Variants in ZNF658 observed in about 807,000 individuals in gnomAD.
ZNF658 encodes the protein zinc finger protein 658.
ZNF658 carries 46 observed loss-of-function variants against 78.0 expected under a neutral mutation model. The ratio of observed to expected loss-of-function variants is 0.59; its 90% CI spans 0.47 to 0.75. ZNF658 has a LOEUF of 0.75. Ranked by LOEUF, ZNF658 falls within the 30% of genes least tolerant of loss-of-function variation. ZNF658 has a pLI of 0.00. For synonymous variants in ZNF658, 279 were observed against 408.4 expected (o/e 0.68, Z 3.82); for missense variants, 785 against 1,189.3 (o/e 0.66, Z 5.00).
intron 2 of ZNF658, among the ~76,000 whole-genome samples, chr9:66,904,274 TC>T (rs1822022466): frequency 6.6e-6 from 1 of 152,146 alleles, no homozygotes; most frequent in African/African-American, 2.4e-5. Context: ...TATAATCAAA[TC>T]CAGTGGATGT....
Position 66,920,278 on chromosome 9 carries a change from C to T in ZNF658, c.2712C>T (p.Arg904=), listed in dbSNP as rs62561229. Residue 904 remains arginine (R), a synonymous_variant, in exon 5 of 5, where the codon CGC becomes CGT. Coordinates refer to ENST00000621410, the MANE Select transcript of ZNF658 (RefSeq NM_033160.7). ...ATCTCAGAGCACATCTTAGAACTCG[C>T]TCAGGGGAGAAACCCTATGAATGCA... The part of the protein sequence containing the change: ...TSHLRAHLRT[R]SGEKPYECSE... 244,558 of 1,612,886 alleles carry T rather than the reference C, an allele frequency of 0.15. 18,878 individuals are homozygous for T. The highest frequency in any genetic ancestry group is 0.25 in the African/African-American group (18,682 of 74,574).
chr9:66,914,910 C>T (rs77723963), intron 4 of ZNF658, among the ~76,000 whole-genome samples: 5,167 of 151,966 alleles, frequency 0.034, 131 homozygotes, highest in East Asian at 0.21. Context: ...GAGGATGAGG[C>T]AGGCCTTATA....
intron 2 of ZNF658, among the ~76,000 whole-genome samples, chr9:66,904,499 T>C (rs1822028943): frequency 6.6e-6 from 1 of 152,094 alleles, no homozygotes; most frequent in Non-Finnish European, 1.5e-5. Context: ...TGATTTTGTC[T>C]TCCCTTGTTT....
chr9:66,931,820 A>G (rs986168438), intron 6 of ZNF658, among the ~76,000 whole-genome samples: 56 of 141,004 alleles, frequency 4.0e-4, no homozygotes, highest in African/African-American at 1.3e-3. Flanking sequence ...TACAAGCAAC[A>G]TATCTGTGAC....
Position 66,920,881 on chromosome 9 carries a change from A to C in ZNF658, c.*135A>C. ...AAAAATCCCAATATGCCGTTTATTC[A>C]GGTGGGGCTGACCATGGGATGTGGT... On this transcript the variant is annotated 3_prime_UTR_variant, in exon 5 of 5. Transcript: ENST00000621410. The C allele has an allele frequency of 1.4e-6, 1 of 729,084 alleles. No homozygotes were observed. The highest frequency in any genetic ancestry group is 2.3e-5 in the Admixed American group (1 of 43,776). 45.2% of individuals were successfully genotyped at this position (729,084 alleles called of 1,614,324 possible). A position where few individuals can be genotyped will look rare whatever the true frequency, so the allele number is the denominator to read the frequency against.
intron 2 of ZNF658, among the ~76,000 whole-genome samples, chr9:66,906,625 G>C (rs1004628085): frequency 6.6e-6 from 1 of 152,064 alleles, no homozygotes; most frequent in Admixed American, 6.6e-5. Context: ...GATTAGGTCA[G>C]ATAATGAGGA....
At position 66,918,871 on chromosome 9, in the gene ZNF658, G is replaced by A. The variant is rs1352026076; in HGVS notation, c.1305G>A (p.Val435=). 16 of 1,598,504 alleles carry A rather than the reference G, an allele frequency of 1.0e-5. No individual in the cohort carries two copies. Among genetic ancestry groups the A allele is most frequent in the Admixed American group, 6.8e-5 (4 of 59,108 alleles). Residue 435 remains valine (V), a synonymous_variant, in exon 5 of 5, where the codon GTG becomes GTA. Transcript: ENST00000621410. Reference sequence around the variant, plus strand: ...CTATTCAGCATCCTGGAACTTATGTGGGATTCAAACTTTATGAATGTAATG... The same window carrying A: ...CTATTCAGCATCCTGGAACTTATGTAGGATTCAAACTTTATGAATGTAATG... ...SHPIQHPGTY[V]GFKLYECNEC...
At chr9:66,905,157 C>A (rs1168332228) in intron 2 of ZNF658, among the ~76,000 whole-genome samples, 1 of 132,720 alleles carries the variant, frequency 7.5e-6, no homozygotes, top group South Asian at 2.6e-4. Context: ...CTCACTGTAA[C>A]CTCCACCTTC....
At chr9:66,929,878 G>T (rs1420051118) in intron 6 of ZNF658, among the ~76,000 whole-genome samples, 1 of 134,280 alleles carries the variant, frequency 7.4e-6, no homozygotes, top group Non-Finnish European at 1.6e-5. Context: ...TCGCCTCCCG[G>T]GTTCAAGCGA....
chr9:66,913,669 G>T (rs972317438), intron 4 of ZNF658, among the ~76,000 whole-genome samples: 18 of 150,754 alleles, frequency 1.2e-4, no homozygotes, highest in African/African-American at 3.4e-4. Context: ...CAAAGTAACA[G>T]ATTTAGGAAT....
Position 66,908,687 on chromosome 9 carries a change from A to G in ZNF658, c.191A>G (p.Glu64Gly), listed in dbSNP as rs751421660. ...PKVISKLEKGEEPWSLEDEFL... is the reference protein window; with the variant it reads ...PKVISKLEKGGEPWSLEDEFL... ...GTGATCTCCAAGTTGGAGAAAGGAG[A>G]AGAGCCATGGTCTTTAGAAGATGAA... Residue 64 changes from glutamate (E) to glycine (G), a missense_variant, in exon 4 of 5, where the codon GAA (glutamate) becomes GGA (glycine). Glu to Gly is a moderately conservative substitution (Grantham distance 98, BLOSUM62 -2). Transcript: ENST00000621410. 10 of 1,597,844 alleles carry G rather than the reference A, an allele frequency of 6.3e-6. No homozygotes were observed. Among genetic ancestry groups the G allele is most frequent in the Non-Finnish European group, 6.8e-6 (8 of 1,172,478 alleles).
At chr9:66,910,374 C>G (rs1475835432) in intron 4 of ZNF658, among the ~76,000 whole-genome samples, 1 of 151,572 alleles carries the variant, frequency 6.6e-6, no homozygotes, top group East Asian at 1.9e-4. Context: ...TGAAGCCATA[C>G]CAACAAATAG....
At chr9:66,905,041 T>G (rs1404497423) in intron 2 of ZNF658, among the ~76,000 whole-genome samples, 3 of 139,374 alleles carry the variant, frequency 2.2e-5, no homozygotes, top group Non-Finnish European at 4.6e-5. Context: ...GATTTATCTT[T>G]TCTTTTTTCT....
intron 1 of ZNF658, among the ~76,000 whole-genome samples, chr9:66,902,389 C>T (rs1263919575): frequency 8.9e-6 from 1 of 112,700 alleles, no homozygotes; most frequent in Admixed American, 1.1e-4. Context: ...CCTATATATG[C>T]ATCAGATTTT....
At chr9:66,907,999 A>G (rs1440238842) in intron 2 of ZNF658, among the ~76,000 whole-genome samples, 1 of 151,342 alleles carries the variant, frequency 6.6e-6, no homozygotes, top group African/African-American at 2.4e-5. Context: ...GTTGGAAGGA[A>G]GTTGTTTTAC....
At position 66,920,401 on chromosome 9, in the gene ZNF658, G is replaced by C; in HGVS notation, c.2835G>C (p.Lys945Asn). Residue 945 changes from lysine (K) to asparagine (N), a missense_variant, in exon 5 of 5, where the codon AAG (lysine) becomes AAC (asparagine). By Grantham distance (94) the Lys-to-Asn change is moderately conservative (BLOSUM62 0). Transcript: ENST00000621410. ...EKPYECNVCG[K>N]PFAHNSTLRV... ...CCTACGAATGTAATGTATGTGGGAA[G>C]CCATTTGCCCATAATTCAACCCTCA... 6.2e-7 allele frequency: 1 copy of C among 1,609,500 alleles called. No homozygotes were observed. Among genetic ancestry groups the C allele is most frequent in the Non-Finnish European group, 8.5e-7 (1 of 1,178,990 alleles).
intron 2 of ZNF658, among the ~76,000 whole-genome samples, chr9:66,905,245 T>G (rs1407878774): frequency 4.0e-5 from 6 of 150,956 alleles, no homozygotes; most frequent in Non-Finnish European, 7.4e-5. Context: ...CTGGCTAATT[T>G]TAGTATTTTT....
rs1317444601 is a variant in ZNF658 at position 66,909,257 on chromosome 9, C to T, written c.238+523C>T. Among the ~76,000 whole-genome samples the T allele has an allele frequency of 2.0e-5, 3 of 151,984 alleles. No homozygotes were observed. The East Asian group carries it at 5.8e-4, about 29-fold the overall frequency. ...CCTTTAGTTATCACTGTCCCATCCC[C>T]CCTGCCCTCTGCAGCCCTAGGTAAC... On this transcript the variant is annotated intron_variant, in intron 4 of 4. Transcript: ENST00000621410.
intron 4 of ZNF658, among the ~76,000 whole-genome samples, chr9:66,913,222 C>T (rs980848829): frequency 1.3e-5 from 2 of 150,914 alleles, no homozygotes; most frequent in South Asian, 2.1e-4. Flanking sequence ...GTCAGGAATT[C>T]AAGACCAGCC....
Sources: allele counts gnomAD v4.1 joint callset (sites outside exome capture counted in the v4.1 genomes callset), GRCh38; gene constraint gnomAD v4.1.1; transcripts MANE v1.5; gene names NCBI Gene and HGNC (gene_info 2026-07-23, HGNC 2026-07-21).